TRPM5: variants seen among roughly 807,000 people sequenced by gnomAD.
TRPM5 encodes the protein transient receptor potential cation channel subfamily M member 5.
In TRPM5, 121 loss-of-function variants were observed where a neutral mutation model predicts 124.9. The ratio of observed to expected loss-of-function variants is 0.97; its 90% CI spans 0.84 to 1.13. The LOEUF (loss-of-function observed/expected upper bound fraction) is 1.13. TRPM5 is among the 50% of genes most tolerant of loss of function. TRPM5 has a pLI of 0.00. For missense variants in TRPM5, 1,643 were observed against 1,589.1 expected (o/e 1.03, Z -0.58); for synonymous variants, 781 against 700.5 (o/e 1.11, Z -1.81).
rs1294965915 is a variant in TRPM5, at chr11:2,407,389, G to A, written c.2937-89C>T. On this transcript the variant is annotated intron_variant, in intron 19 of 23. Transcript: ENST00000155858. ...CCTGCACCCTGATTGCTGTTGGGGA[G>A]CCCTTTTTGAAACTGAGGCCCAGCA... is the stretch of plus-strand genomic sequence containing the variant. 13 of 1,340,026 alleles carry A rather than the reference G, an allele frequency of 9.7e-6. No individual in the cohort carries two copies. The African/African-American group carries it at 1.0e-4, about 11-fold the overall frequency. The allele number at this position is 1,340,026 out of a possible 1,614,324, so 83.0% of individuals were successfully genotyped here.
the TRPM5 span, among the ~76,000 whole-genome samples, chr11:2,442,059 A>G: frequency 6.6e-6 from 1 of 152,292 alleles, no homozygotes; most frequent in Non-Finnish European, 1.5e-5. This position sits in a 1 kb window ranked among gnomAD's most constrained non-coding sequence, Gnocchi z 5.9. Flanking sequence ...CAGAATAATG[A>G]GCAAAGCAAC....
At chr11:2,429,519 T>C in the TRPM5 span, among the ~76,000 whole-genome samples, 1 of 151,606 alleles carries the variant, frequency 6.6e-6, no homozygotes, top group African/African-American at 2.4e-5. The surrounding 1 kb of genome is among the most constrained non-coding windows in gnomAD (Gnocchi z 8.4). Flanking sequence ...TGTGGTACGA[T>C]GGTGGTGCTG....
At chr11:2,410,219 G>A (rs1230257425) in intron 18 of TRPM5, among the ~76,000 whole-genome samples, 3 of 152,248 alleles carry the variant, frequency 2.0e-5, no homozygotes, top group Non-Finnish European at 4.4e-5. Context: ...AAGGAAATGA[G>A]CCGCGCTGGG....
chr11:2,412,723 G>A (rs764468517), intron 15 of TRPM5, 31 bp downstream of exon 20: 2 of 1,550,962 alleles, frequency 1.3e-6, no homozygotes, highest in South Asian at 2.5e-5. Context: ...GCTGCAGAGT[G>A]GAGGGGACCT....
chr11:2,416,144 C>A (rs1367354017), intron 7 of TRPM5, 120 bp from the exon 13 acceptor site: 3 of 660,762 alleles, frequency 4.5e-6, no homozygotes, highest in Non-Finnish European at 7.8e-6. Context: ...CACGCTGGGA[C>A]TTGAGGGGGC....
the TRPM5 span, among the ~76,000 whole-genome samples, chr11:2,430,228 C>T: frequency 3.3e-5 from 5 of 151,340 alleles, no homozygotes; most frequent in East Asian, 2.0e-4. Flanking sequence ...CTCCTGCTGG[C>T]TCCCTCTTGC....
chr11:2,404,004 C>T (rs1476912624), downstream of TRPM5: 1 of 183,688 alleles, frequency 5.4e-6, no homozygotes, highest in Non-Finnish European at 1.2e-5. Flanking sequence ...CAGCACATCA[C>T]CCAGGTGACA....
chr11:2,404,309 G>C (rs763339375), downstream of TRPM5, among the ~76,000 whole-genome samples: 6 of 152,168 alleles, frequency 3.9e-5, no homozygotes, highest in Non-Finnish European at 5.9e-5. Context: ...TGTTTTCCAG[G>C]CTCCACTGAA....
rs181706534 is a variant in TRPM5, at chr11:2,410,595, C to G, written c.2782+757G>C. On this transcript the variant is annotated intron_variant, in intron 18 of 23. Coordinates refer to ENST00000155858, the Ensembl canonical transcript of TRPM5. ...CCCAGGGGCCTGCACAGGTCCCTGCCCCACCCCAGAGCTCCCCACCAACCC... is the reference window on the plus strand; with the variant it reads ...CCCAGGGGCCTGCACAGGTCCCTGCGCCACCCCAGAGCTCCCCACCAACCC... The G allele has an allele frequency of 4.4e-3, 1,898 of 430,488 alleles. 6 individuals carry two copies. The highest frequency in any genetic ancestry group is 5.7e-3 in the Middle Eastern group (15 of 2,650). The allele number at this position is 430,488 out of a possible 1,614,324, so 26.7% of individuals were successfully genotyped here.
chr11:2,414,748 T>TGGCTCGGGCC lies in TRPM5; in HGVS notation c.1701_1710dup (p.Thr571GlyfsTer15). ...AGCCGCTCGTATTTCGCCTCGCGCG[T>TGGCTCGGGCC]GGCTCGGGCCGCCTCGGCCTCCGTC... On this transcript the variant is annotated frameshift_variant, in exon 11 of 24. Coordinates refer to ENST00000155858, the Ensembl canonical transcript of TRPM5. LOFTEE classifies it high-confidence loss of function. 6.5e-7 allele frequency: 1 copy of TGGCTCGGGCC among 1,546,796 alleles called. No homozygotes were observed. Among genetic ancestry groups the TGGCTCGGGCC allele is most frequent in the South Asian group, 1.2e-5 (1 of 84,042 alleles).
rs375120824 is a variant in TRPM5, at chr11:2,414,864, G to A, written c.1621-26C>T. ...CTACGAGACCTGGTCTCAGGAGGCC[G>A]CCCCTCCCCTGCCCCCGCGCTGGGC... On this transcript the variant is annotated intron_variant, in intron 10 of 23. Coordinates refer to ENST00000155858, the Ensembl canonical transcript of TRPM5. 1.6e-4 allele frequency: 251 copies of A among 1,590,394 alleles called. 1 individual carries two copies. The highest frequency in any genetic ancestry group is 2.1e-4 in the Non-Finnish European group (242 of 1,169,664).
chr11:2,412,814 T>C, exon 15 of TRPM5: 2 of 1,604,354 alleles, frequency 1.2e-6, no homozygotes, highest in Non-Finnish European at 1.7e-6. Flanking sequence ...CCTCGGGCCC[T>C]GAGGGGCCCT....
Position 2,404,690 on chromosome 11 carries a change from C to T in TRPM5, c.*247G>A, listed in dbSNP as rs545162138. 1.1e-5 allele frequency: 6 copies of T among 525,186 alleles called. No individual in the cohort carries two copies. The East Asian group carries it at 1.3e-4, about 11-fold the overall frequency. The allele number at this position is 525,186 out of a possible 1,614,324, so 32.5% of individuals were successfully genotyped here. A position where few individuals can be genotyped will look rare whatever the true frequency, so the allele number is the denominator to read the frequency against. On this transcript the variant is annotated 3_prime_UTR_variant, in exon 24 of 24. Transcript: ENST00000155858. Reference sequence around the variant, plus strand: ...GTAGGGATGCGGTGGGGCACGTTTTCTGCCCGGGGAGTTGTGCCTGTCAGG... The same window carrying T: ...GTAGGGATGCGGTGGGGCACGTTTTTTGCCCGGGGAGTTGTGCCTGTCAGG...
chr11:2,414,902 CT>C lies in TRPM5; in HGVS notation c.1620+4del, dbSNP rs747285448. ...CCCCGCGCTGGGCCCGCGGCCTGGG[CT>C]CACCATGGCCCAGAAGTAGGTGGCC... On this transcript the variant is annotated splice_donor_region_variant and intron_variant, in intron 10 of 23. Transcript: ENST00000155858. The C allele has an allele frequency of 4.4e-6, 7 of 1,603,050 alleles. No homozygotes were observed. In the African/African-American group the frequency reaches 9.4e-5, roughly 21 times the overall value.
chr11:2,405,130 C>T (rs956056791), intron 23 of TRPM5, 87 bp from the exon 29 acceptor site: 21 of 1,145,374 alleles, frequency 1.8e-5, no homozygotes, highest in Non-Finnish European at 2.4e-5. Flanking sequence ...GAGGCAAGGG[C>T]CAGGACGCCG....
chr11:2,419,023 C>G (rs1845729540), intron 4 of TRPM5, among the ~76,000 whole-genome samples: 2 of 152,116 alleles, frequency 1.3e-5, no homozygotes, highest in Admixed American at 1.3e-4. Flanking sequence ...GGTTTCTCCC[C>G]CAAACAGAAG....
At chr11:2,417,792 A>G in exon 7 of TRPM5, 5 of 1,597,978 alleles carry the variant, frequency 3.1e-6, no homozygotes, top group Non-Finnish European at 4.3e-6. Context: ...GAAGTCATAC[A>G]CGGTGAGCAG....
chr11:2,414,628 C>G, intron 11 of TRPM5, 87 bp downstream of exon 16: 1 of 1,432,816 alleles, frequency 7.0e-7, no homozygotes, highest in Non-Finnish European at 9.1e-7. Context: ...TAACAGGCAG[C>G]CCTGGCGAGG....
chr11:2,409,778 G>A (rs1242522271), intron 18 of TRPM5, among the ~76,000 whole-genome samples: 4 of 152,116 alleles, frequency 2.6e-5, no homozygotes, highest in African/African-American at 4.8e-5. Flanking sequence ...CTCTCAGTGG[G>A]CGGCCGGGGC....
Sources: gnomAD v4.1 joint callset for allele counts (sites outside exome capture counted in the v4.1 genomes callset) on GRCh38, gnomAD v4.1.1 for gene constraint, Gnocchi (gnomAD v3.1) non-coding constraint, MANE v1.5 for transcripts, NCBI Gene and HGNC (gene_info 2026-07-23, HGNC 2026-07-21) for gene names.